Variants in SOCS6 observed in about 807,000 individuals in gnomAD.
SOCS6 encodes the protein suppressor of cytokine signaling 6.
SOCS6 carries 5 observed loss-of-function variants against 27.7 expected under a neutral mutation model. The ratio of observed to expected loss-of-function variants is 0.18; its 90% CI spans 0.09 to 0.38. The LOEUF (loss-of-function observed/expected upper bound fraction) is 0.38. Ranked by LOEUF, SOCS6 falls within the 10% of genes least tolerant of loss-of-function variation. The pLI, the probability that SOCS6 is intolerant of heterozygous loss-of-function variation, is 1.00. For missense variants in SOCS6, 595 were observed against 688.1 expected, an observed-to-expected ratio of 0.86 and a Z score of 1.51; for synonymous variants, 271 against 260.0, an observed-to-expected ratio of 1.04 and a Z score of -0.41.
rs914415896 is a variant in SOCS6, at chr18:70,327,318, A to G, written c.*1042A>G. The G allele has an allele frequency of 4.2e-5, 7 of 166,772 alleles. No individual in the cohort carries two copies. Among genetic ancestry groups the G allele is most frequent in the Admixed American group, 3.3e-4 (5 of 15,280 alleles). The allele number at this position is 166,772 out of a possible 1,614,324, so 10.3% of individuals were successfully genotyped here. A position where few individuals can be genotyped will look rare whatever the true frequency, so the allele number is the denominator to read the frequency against. On this transcript the variant is annotated 3_prime_UTR_variant, in exon 2 of 2. Transcript: ENST00000397942. ...TTGAATAGAAAGAAAACATTGTTTT[A>G]AAGTTGGATTTATATTTTTCTTCTA...
At chr18:70,302,450 C>G (rs1251454309) in intron 1 of SOCS6, among the ~76,000 whole-genome samples, 3 of 152,118 alleles carry the variant, frequency 2.0e-5, no homozygotes, top group Admixed American at 2.0e-4. Flanking sequence ...AAGGACCCAC[C>G]TGCGGGTCAT....
At chr18:70,295,628 T>C (rs2062319601) in intron 1 of SOCS6, among the ~76,000 whole-genome samples, 1 of 152,224 alleles carries the variant, frequency 6.6e-6, no homozygotes, top group Admixed American at 6.5e-5. Context: ...GGAAATAACA[T>C]TATTGCCAAA....
At chr18:70,311,207 A>G (rs1218699390) in intron 1 of SOCS6, among the ~76,000 whole-genome samples, 2 of 152,174 alleles carry the variant, frequency 1.3e-5, no homozygotes, top group African/African-American at 2.4e-5. Context: ...ACTAGAATCT[A>G]AGATCCTAGA....
intron 1 of SOCS6, among the ~76,000 whole-genome samples, chr18:70,305,540 T>A (rs2062365657): frequency 6.6e-6 from 1 of 152,242 alleles, no homozygotes; most frequent in Non-Finnish European, 1.5e-5. Flanking sequence ...TTGTTCTTTT[T>A]CAAAATTGCA....
At chr18:70,295,742 T>C (rs1600148004) in intron 1 of SOCS6, among the ~76,000 whole-genome samples, 1 of 152,226 alleles carries the variant, frequency 6.6e-6, no homozygotes, top group African/African-American at 2.4e-5. Context: ...ATTTTAGAGC[T>C]AGAAGGAACT....
chr18:70,291,333 C>T (rs563443134), intron 1 of SOCS6, among the ~76,000 whole-genome samples: 6 of 152,198 alleles, frequency 3.9e-5, no homozygotes, highest in Admixed American at 3.9e-4. Context: ...AACTCTAGGC[C>T]TCAAGATCCT....
intron 1 of SOCS6, among the ~76,000 whole-genome samples, chr18:70,319,231 G>A (rs1396024311): frequency 3.3e-5 from 5 of 152,146 alleles, no homozygotes; most frequent in South Asian, 4.2e-4. Flanking sequence ...GTTTAGGAGC[G>A]GTGGAGTAGA....
intron 1 of SOCS6, among the ~76,000 whole-genome samples, chr18:70,294,190 AC>A (rs1399278848): frequency 1.3e-5 from 2 of 151,870 alleles, no homozygotes; most frequent in Non-Finnish European, 2.9e-5. Flanking sequence ...CTAGTATTCT[AC>A]TCCTTTATCT....
chr18:70,302,638 G>A (rs2062353235), intron 1 of SOCS6, among the ~76,000 whole-genome samples: 1 of 152,142 alleles, frequency 6.6e-6, no homozygotes, highest in Non-Finnish European at 1.5e-5. Context: ...AATGATTACA[G>A]TGATGAATTG....
chr18:70,310,307 C>T (rs1201630048), intron 1 of SOCS6, among the ~76,000 whole-genome samples: 1 of 147,732 alleles, frequency 6.8e-6, no homozygotes, highest in Non-Finnish European at 1.5e-5. Context: ...GACAGGGTCT[C>T]ACTCTGTTGC....
intron 1 of SOCS6, among the ~76,000 whole-genome samples, chr18:70,323,918 G>T (rs41459544): frequency 7.9e-5 from 12 of 152,120 alleles, no homozygotes; most frequent in Non-Finnish European, 1.5e-4. Flanking sequence ...GAGTCCAGCT[G>T]GGAAGGATGT....
intron 1 of SOCS6, among the ~76,000 whole-genome samples, chr18:70,299,027 A>G (rs1215295958): frequency 2.0e-5 from 3 of 152,132 alleles, no homozygotes; most frequent in Non-Finnish European, 4.4e-5. Flanking sequence ...GGGAGGCTGG[A>G]AGGAGAATCG....
At position 70,301,884 on chromosome 18, in the gene SOCS6, C is replaced by T. The variant is rs41348746; in HGVS notation, c.-127+12794C>T. Reference sequence around the variant, plus strand: ...TGGTCAGTGGTCACACACAGTGCCTCTAAGATTAGGACTGTGAATTCACGC... The same window carrying T: ...TGGTCAGTGGTCACACACAGTGCCTTTAAGATTAGGACTGTGAATTCACGC... On this transcript the variant is annotated intron_variant, in intron 1 of 1. Transcript: ENST00000397942. 4.4e-3 allele frequency among the ~76,000 whole-genome samples: 663 copies of T among 152,208 alleles called. 7 individuals are homozygous for T. Among genetic ancestry groups the T allele is most frequent in the African/African-American group, 0.015 (634 of 41,530 alleles).
intron 1 of SOCS6, among the ~76,000 whole-genome samples, chr18:70,305,640 A>G (rs1394888126): frequency 6.6e-6 from 1 of 152,242 alleles, no homozygotes; most frequent in Admixed American, 6.5e-5. Flanking sequence ...TCTATAGATC[A>G]ATTTTGGAAG....
At chr18:70,317,842 C>T (rs1317164074) in intron 1 of SOCS6, among the ~76,000 whole-genome samples, 2 of 152,122 alleles carry the variant, frequency 1.3e-5, no homozygotes, top group African/African-American at 4.8e-5. Flanking sequence ...TTCACACCAA[C>T]ATCGTTTTGT....
chr18:70,312,773 T>TTTC (rs1314687814), intron 1 of SOCS6, among the ~76,000 whole-genome samples: 1 of 137,668 alleles, frequency 7.3e-6, no homozygotes, highest in Non-Finnish European at 1.6e-5. Context: ...TTCTTTGGAT[T>TTTC]TTTTTTTTTT....
Position 70,328,289 on chromosome 18 carries a change from TCA to T in SOCS6, c.*2016_*2017del, listed in dbSNP as rs983846155. On this transcript the variant is annotated 3_prime_UTR_variant, in exon 2 of 2. Coordinates refer to ENST00000397942, the MANE Select transcript of SOCS6 (RefSeq NM_004232.4). ...CATCTATATTAGATGGCAGGTTTTG[TCA>T]CAGAGTCACTGTGTATTAATAATAA... The T allele has an allele frequency of 1.8e-5, 3 of 167,188 alleles. No individual in the cohort carries two copies. Among genetic ancestry groups the T allele is most frequent in the Admixed American group, 6.5e-5 (1 of 15,306 alleles). 10.4% of individuals were successfully genotyped at this position (167,188 alleles called of 1,614,324 possible). A position where few individuals can be genotyped will look rare whatever the true frequency, so the allele number is the denominator to read the frequency against.
intron 1 of SOCS6, among the ~76,000 whole-genome samples, chr18:70,301,818 G>A (rs2062345): frequency 0.3 from 45,184 of 152,040 alleles, 7,702 homozygotes; most frequent in East Asian, 0.73. Context: ...AGAGTGTGGT[G>A]TGCTGAGCAA....
At chr18:70,294,534 C>G (rs1418652982) in intron 1 of SOCS6, among the ~76,000 whole-genome samples, 2 of 152,054 alleles carry the variant, frequency 1.3e-5, no homozygotes, top group Non-Finnish European at 2.9e-5. Context: ...TCTGACTAGT[C>G]AAAAGTAGTA....
Sources: allele counts gnomAD v4.1 joint callset (sites outside exome capture counted in the v4.1 genomes callset), GRCh38; gene constraint gnomAD v4.1.1; transcripts MANE v1.5; gene names NCBI Gene and HGNC (gene_info 2026-07-23, HGNC 2026-07-21).